The following EYA2 variants were observed in gnomAD, a reference collection of about 807,000 sequenced individuals.
The protein encoded by EYA2 is EYA transcriptional coactivator and phosphatase 2.
A neutral mutation model predicts 69.2 loss-of-function variants in EYA2; 31 were observed. The observed-to-expected ratio is 0.45, with a 90% CI of 0.34 to 0.60. The LOEUF (loss-of-function observed/expected upper bound fraction) is 0.60. EYA2 is among the 20% of genes least tolerant of loss of function. EYA2 has a pLI of 0.02. For missense variants in EYA2, 622 were observed against 701.2 expected (o/e 0.89, Z 1.28); for synonymous variants, 257 against 279.4 (o/e 0.92, Z 0.80).
At chr20:46,995,891 G>A (rs745467381) in intron 2 of EYA2, among the ~76,000 whole-genome samples, 16 of 152,166 alleles carry the variant, frequency 1.1e-4, no homozygotes, top group Non-Finnish European at 2.2e-4. Context: ...CCAGGTACCT[G>A]CCCCATCTGC....
intron 9 of EYA2, among the ~76,000 whole-genome samples, chr20:47,103,576 C>G (rs191900728): frequency 1.3e-3 from 204 of 152,352 alleles, no homozygotes; most frequent in Middle Eastern, 3.4e-3. Context: ...GAAGCAAACA[C>G]TTCCTTCTTC....
intron 2 of EYA2, among the ~76,000 whole-genome samples, chr20:46,994,572 C>T (rs986451269): frequency 3.9e-5 from 6 of 152,152 alleles, no homozygotes; most frequent in South Asian, 4.1e-4. Flanking sequence ...TCAGTCTCAC[C>T]GGTTCCAACC....
intron 5 of EYA2, among the ~76,000 whole-genome samples, chr20:47,042,783 A>G (rs1255730890): frequency 2.0e-5 from 3 of 152,072 alleles, no homozygotes; most frequent in Non-Finnish European, 4.4e-5. Flanking sequence ...CAGCTGCTTC[A>G]CCTCCAGCCG....
intron 9 of EYA2, among the ~76,000 whole-genome samples, chr20:47,100,376 AGGGG>A (rs534427825): frequency 1.3e-5 from 2 of 152,054 alleles, no homozygotes; most frequent in Non-Finnish European, 2.9e-5. Flanking sequence ...CTGCCCTCTT[AGGGG>A]GGGTGGACAT....
At chr20:46,926,708 G>C (rs1318807423) in intron 1 of EYA2, among the ~76,000 whole-genome samples, 1 of 152,174 alleles carries the variant, frequency 6.6e-6, no homozygotes, top group Non-Finnish European at 1.5e-5. Flanking sequence ...TCACACTAAT[G>C]AAAGTGGCTG....
chr20:47,089,681 A>G (rs1036808811), intron 8 of EYA2, among the ~76,000 whole-genome samples: 12 of 152,198 alleles, frequency 7.9e-5, no homozygotes, highest in African/African-American at 2.9e-4. Flanking sequence ...GGGGCAGGGC[A>G]TGAGAATTTA....
At chr20:46,987,950 C>CTCTCTCTT (rs1981357404) in intron 1 of EYA2, among the ~76,000 whole-genome samples, 1 of 41,642 alleles carries the variant, frequency 2.4e-5, no homozygotes, top group Non-Finnish European at 4.5e-5. Flanking sequence ...CTCTCTCTCT[C>CTCTCTCTT]TCTCTCTCTC....
chr20:47,073,600 G>A (rs1032675874), intron 6 of EYA2, among the ~76,000 whole-genome samples: 1 of 152,052 alleles, frequency 6.6e-6, no homozygotes, highest in African/African-American at 2.4e-5. Context: ...AGGTGCAGAG[G>A]ATACAATAGT....
At chr20:47,093,092 T>C (rs1029843992) in intron 8 of EYA2, among the ~76,000 whole-genome samples, 5 of 152,194 alleles carry the variant, frequency 3.3e-5, no homozygotes, top group Admixed American at 3.3e-4. Context: ...ATGTATGCCT[T>C]CTCTTCCCAT....
chr20:46,924,976 T>A (rs1985352162), intron 1 of EYA2, among the ~76,000 whole-genome samples: 1 of 152,146 alleles, frequency 6.6e-6, no homozygotes, highest in Admixed American at 6.6e-5. Context: ...GCAGAGCCGT[T>A]CTCCCTGAGC....
Position 47,118,867 on chromosome 20 carries a change from C to T in EYA2, c.888+21699C>T, listed in dbSNP as rs80273206. On this transcript the variant is annotated intron_variant, in intron 9 of 15. Transcript: ENST00000327619. ...CCAGACTTCCTTCGCCAACTTCCCCCGCTTTCTTGCCCCACCTCTCAGTGA... is the reference window on the plus strand; with the variant it reads ...CCAGACTTCCTTCGCCAACTTCCCCTGCTTTCTTGCCCCACCTCTCAGTGA... Among the ~76,000 whole-genome samples the T allele has an allele frequency of 8.1e-3, 1,232 of 152,300 alleles. 17 individuals carry two copies. Among genetic ancestry groups the T allele is most frequent in the African/African-American group, 0.028 (1,146 of 41,564 alleles).
intron 5 of EYA2, among the ~76,000 whole-genome samples, chr20:47,067,625 G>A (rs1238375603): frequency 6.6e-6 from 1 of 152,048 alleles, no homozygotes; most frequent in African/African-American, 2.4e-5. Context: ...AAAATTTAAT[G>A]TAACGAACCA....
chr20:47,005,144 T>C, intron 4 of EYA2, 60 bp downstream of exon 4: 1 of 1,573,990 alleles, frequency 6.4e-7, no homozygotes. Flanking sequence ...GTCTTTGTTC[T>C]GCACTATTGT....
chr20:47,145,223 T>TG (rs1480469276), intron 10 of EYA2, among the ~76,000 whole-genome samples: 1 of 150,038 alleles, frequency 6.7e-6, no homozygotes, highest in Non-Finnish European at 1.5e-5. Flanking sequence ...GGAGGAGGGT[T>TG]GGGGGGCAGC....
At chr20:46,974,369 C>T (rs1365310722) in intron 1 of EYA2, among the ~76,000 whole-genome samples, 2 of 152,202 alleles carry the variant, frequency 1.3e-5, no homozygotes, top group African/African-American at 4.8e-5. Context: ...TAAAAATGCC[C>T]TTGCTCTGTA....
chr20:47,076,066 G>A (rs1260393679), intron 7 of EYA2, among the ~76,000 whole-genome samples: 1 of 152,218 alleles, frequency 6.6e-6, no homozygotes, highest in Non-Finnish European at 1.5e-5. Context: ...ATTCCATGGT[G>A]TATATATACC....
At position 47,038,529 on chromosome 20, in the gene EYA2, C is replaced by T. The variant is rs78803371; in HGVS notation, c.415+22232C>T. ...TATAAATATAAACTACTGCTTCTGC[C>T]CACAAGGGTGCTCTGGGGACAGGTC... On this transcript the variant is annotated intron_variant, in intron 5 of 15. Transcript: ENST00000327619. 6.7e-3 allele frequency among the ~76,000 whole-genome samples: 1,016 copies of T among 152,244 alleles called. 7 individuals carry two copies. Among genetic ancestry groups the T allele is most frequent in the Middle Eastern group, 0.014 (4 of 294 alleles).
chr20:46,991,126 A>G (rs1981630032), intron 2 of EYA2, among the ~76,000 whole-genome samples: 1 of 152,210 alleles, frequency 6.6e-6, no homozygotes, highest in Non-Finnish European at 1.5e-5. Flanking sequence ...TAAACTGCCC[A>G]GGGGCCTTTG....
rs187472467 is a variant in EYA2, at chr20:46,966,666, C to G, written c.-10-23335C>G. On this transcript the variant is annotated intron_variant, in intron 1 of 15. Coordinates refer to ENST00000327619, the MANE Select transcript of EYA2 (RefSeq NM_005244.5). ...TACTCAAAATACAAAAAAAATTAGC[C>G]GGGCATGGTGGTGGGTGCCTGTAGT... Among the ~76,000 whole-genome samples, 689 of 152,094 alleles carry G rather than the reference C, an allele frequency of 4.5e-3. 4 individuals are homozygous for G. Among genetic ancestry groups the G allele is most frequent in the Non-Finnish European group, 7.0e-3 (478 of 67,974 alleles).
Sources: gnomAD v4.1 joint callset for allele counts (sites outside exome capture counted in the v4.1 genomes callset) on GRCh38, gnomAD v4.1.1 for gene constraint, MANE v1.5 for transcripts, NCBI Gene and HGNC (gene_info 2026-07-23, HGNC 2026-07-21) for gene names.